THEMIS: variants seen among roughly 807,000 people sequenced by gnomAD.
THEMIS encodes the protein thymocyte selection associated, also known as protein THEMIS.
In THEMIS, 37 loss-of-function variants were observed where a neutral mutation model predicts 52.6. That is an observed-to-expected ratio of 0.70 (90% confidence interval 0.54 to 0.93). The LOEUF is 0.93. Ranked by LOEUF, THEMIS falls within the 40% of genes least tolerant of loss-of-function variation. THEMIS has a pLI of 0.00. For missense variants in THEMIS, 808 were observed against 763.1 expected (o/e 1.06, Z -0.69); for synonymous variants, 292 against 272.7 (o/e 1.07, Z -0.70).
chr6:127,834,122 A>T (rs756676365), intron 2 of THEMIS, among the ~76,000 whole-genome samples: 9 of 152,172 alleles, frequency 5.9e-5, no homozygotes, highest in Non-Finnish European at 1.0e-4. Flanking sequence ...ATGTGGGGGA[A>T]GTTAAAGTGT....
intron 4 of THEMIS, among the ~76,000 whole-genome samples, chr6:127,796,820 T>C (rs977960352): frequency 2.0e-5 from 3 of 152,196 alleles, no homozygotes; most frequent in African/African-American, 4.8e-5. Context: ...TTGAGTAAGC[T>C]GAACTTTATA....
At chr6:127,773,394 C>T (rs561568584) in intron 4 of THEMIS, among the ~76,000 whole-genome samples, 9 of 152,206 alleles carry the variant, frequency 5.9e-5, no homozygotes, top group East Asian at 3.9e-4. Context: ...AGTATTTGAA[C>T]GTTTTTATCC....
At chr6:127,863,187 G>A (rs1315099602) in intron 1 of THEMIS, among the ~76,000 whole-genome samples, 2 of 152,168 alleles carry the variant, frequency 1.3e-5, no homozygotes, top group African/African-American at 4.8e-5. Flanking sequence ...TATAAAATGA[G>A]TTTGAATTTC....
At chr6:127,758,458 T>C (rs1775909790) in intron 4 of THEMIS, among the ~76,000 whole-genome samples, 2 of 148,078 alleles carry the variant, frequency 1.4e-5, no homozygotes, top group Non-Finnish European at 3.0e-5. Flanking sequence ...ATATTATAAA[T>C]ATTTAATACT....
intron 1 of THEMIS, among the ~76,000 whole-genome samples, chr6:127,878,427 A>G (rs1346627068): frequency 6.6e-6 from 1 of 151,174 alleles, no homozygotes; most frequent in Non-Finnish European, 1.5e-5. Context: ...ACGTGGCCAT[A>G]TAGCTGTTAT....
chr6:127,730,448 CG>C lies in THEMIS; in HGVS notation c.1759-10626del, dbSNP rs1562220135. ...GGGAGGGAGGCAGGAAGAGAACAAACGAAAGAAAGAAAGAAAGAGAAAGAGA... is the reference window on the plus strand; with the variant it reads ...GGGAGGGAGGCAGGAAGAGAACAAACAAAGAAAGAAAGAAAGAGAAAGAGA... On this transcript the variant is annotated intron_variant, in intron 4 of 5. Transcript: ENST00000368248. Among the ~76,000 whole-genome samples, 41 of 129,286 alleles carry C rather than the reference CG, an allele frequency of 3.2e-4. 1 individual carries two copies. The East Asian group carries it at 7.8e-3, about 25-fold the overall frequency. 84.8% of individuals were successfully genotyped at this position (129,286 alleles called of 152,430 possible). A position where few individuals can be genotyped will look rare whatever the true frequency, so the allele number is the denominator to read the frequency against.
intron 1 of THEMIS, among the ~76,000 whole-genome samples, chr6:127,874,513 T>C (rs1179120535): frequency 6.6e-6 from 1 of 152,228 alleles, no homozygotes; most frequent in Non-Finnish European, 1.5e-5. Flanking sequence ...TTAGTTTTTA[T>C]CTTAAATATT....
rs547540725 is a variant in THEMIS, at chr6:127,896,040, C to T, written c.91+4802G>A. 7.3e-5 allele frequency among the ~76,000 whole-genome samples: 11 copies of T among 151,062 alleles called. No individual in the cohort carries two copies. The South Asian group carries it at 2.3e-3, about 31-fold the overall frequency. ...TCCACAATTAAAAGCATGTTTAACACTTTTTAATGTAAAAAAAACTATGTA... is the reference window on the plus strand; with the variant it reads ...TCCACAATTAAAAGCATGTTTAACATTTTTTAATGTAAAAAAAACTATGTA... On this transcript the variant is annotated intron_variant, in intron 1 of 5. Transcript: ENST00000368248.
chr6:127,824,643 G>A (rs1221301725), intron 3 of THEMIS, among the ~76,000 whole-genome samples: 4 of 151,984 alleles, frequency 2.6e-5, no homozygotes, highest in South Asian at 2.1e-4. Context: ...TGCAGTGAAC[G>A]CTTGAAAACT....
chr6:127,728,263 T>G (rs1200919860), intron 4 of THEMIS, among the ~76,000 whole-genome samples: 1 of 152,214 alleles, frequency 6.6e-6, no homozygotes, highest in Non-Finnish European at 1.5e-5. Flanking sequence ...CTTCTAACAC[T>G]GCTCTTCCCT....
intron 1 of THEMIS, among the ~76,000 whole-genome samples, chr6:127,873,182 T>C (rs556818455): frequency 3.3e-5 from 5 of 152,304 alleles, no homozygotes; most frequent in African/African-American, 7.2e-5. Flanking sequence ...TTTTCATTCA[T>C]TGAAAGTCTC....
chr6:127,826,644 T>A (rs1280799874), intron 3 of THEMIS, among the ~76,000 whole-genome samples: 1 of 152,222 alleles, frequency 6.6e-6, no homozygotes, highest in Non-Finnish European at 1.5e-5. Context: ...TCAAGACCTC[T>A]CTCTTTCAGA....
intron 1 of THEMIS, among the ~76,000 whole-genome samples, chr6:127,858,171 T>C (rs908878212): frequency 2.0e-5 from 3 of 152,076 alleles, no homozygotes; most frequent in African/African-American, 4.8e-5. Flanking sequence ...TCACATGGAA[T>C]AGAAGCCAGA....
chr6:127,898,690 T>C (rs1781044855), intron 1 of THEMIS, among the ~76,000 whole-genome samples: 1 of 151,882 alleles, frequency 6.6e-6, no homozygotes, highest in South Asian at 2.1e-4. Flanking sequence ...TACAGATACC[T>C]GCATTCACAT....
chr6:127,799,920 C>T (rs1777475510), intron 4 of THEMIS, among the ~76,000 whole-genome samples: 1 of 152,124 alleles, frequency 6.6e-6, no homozygotes, highest in Non-Finnish European at 1.5e-5. Context: ...CCAATTTAGT[C>T]ATAATGATGT....
Position 127,813,163 on chromosome 6 carries a change from C to T in THEMIS, c.1478G>A (p.Ser493Asn). 1 of 1,614,092 alleles carries T rather than the reference C, an allele frequency of 6.2e-7. No individual in the cohort carries two copies. Among genetic ancestry groups the T allele is most frequent in the Non-Finnish European group, 8.5e-7 (1 of 1,180,000 alleles). ...EDITDSYLLI[S>N]DFANPTECWE... is the part of the protein sequence containing the mutation. ...GCACTCCGTGGGGTTGGCAAAGTCA[C>T]TTATGAGTAGGTAAGAGTCTGTAAT... Residue 493 changes from serine to asparagine, a missense_variant, in exon 4 of 6, where the codon AGT becomes AAT. Physicochemically the swap from Ser to Asn is conservative, Grantham distance 46. Coordinates refer to ENST00000368248, the MANE Select transcript of THEMIS (RefSeq NM_001010923.3).
intron 4 of THEMIS, among the ~76,000 whole-genome samples, chr6:127,798,605 T>C (rs542769440): frequency 1.3e-5 from 2 of 152,184 alleles, no homozygotes; most frequent in African/African-American, 2.4e-5. Flanking sequence ...CATAGGGATA[T>C]GGAAAGAATT....
intron 1 of THEMIS, chr6:127,909,874 A>G (rs1781368026): frequency 6.6e-6 from 1 of 152,174 alleles, no homozygotes; most frequent in South Asian, 2.1e-4. Flanking sequence ...ATGGTTGAGG[A>G]CATTTTGTTT....
At chr6:127,789,243 A>T (rs1338910644) in intron 4 of THEMIS, among the ~76,000 whole-genome samples, 2 of 152,208 alleles carry the variant, frequency 1.3e-5, no homozygotes, top group Admixed American at 1.3e-4. Context: ...AATACTATAA[A>T]CACCTCTATG....
Sources: allele counts gnomAD v4.1 joint callset (sites outside exome capture counted in the v4.1 genomes callset), GRCh38; gene constraint gnomAD v4.1.1; transcripts MANE v1.5; gene names NCBI Gene and HGNC (gene_info 2026-07-23, HGNC 2026-07-21).